The following RAPGEF4 variants were observed in gnomAD, a reference collection of about 807,000 sequenced individuals.
RAPGEF4 encodes the protein RAP guanine-nucleotide-exchange factor (GEF) 4.
A neutral mutation model predicts 147.9 loss-of-function variants in RAPGEF4; 66 were observed. That is an observed-to-expected ratio of 0.45 (90% CI 0.37 to 0.55). RAPGEF4 has a LOEUF of 0.55. RAPGEF4 is among the 20% of genes least tolerant of loss of function. The pLI is 0.00. For missense variants in RAPGEF4, 1,071 were observed against 1,257.3 expected, an observed-to-expected ratio of 0.85 and a Z score of 2.24; for synonymous variants, 419 against 442.7, an observed-to-expected ratio of 0.95 and a Z score of 0.67.
At chr2:172,963,918 C>A (rs1160995163) in intron 8 of RAPGEF4, among the ~76,000 whole-genome samples, 1 of 152,180 alleles carries the variant, frequency 6.6e-6, no homozygotes, top group Non-Finnish European at 1.5e-5. Context: ...GTGATTCCAT[C>A]AGCTGCAAGT....
chr2:172,790,912 G>A (rs1368492044), intron 1 of RAPGEF4, among the ~76,000 whole-genome samples: 1 of 152,124 alleles, frequency 6.6e-6, no homozygotes, highest in African/African-American at 2.4e-5. Flanking sequence ...CTGGAGACTG[G>A]GTAATTCAAA....
chr2:172,754,670 C>T (rs1695595580), intron 1 of RAPGEF4, among the ~76,000 whole-genome samples: 1 of 151,978 alleles, frequency 6.6e-6, no homozygotes, highest in Non-Finnish European at 1.5e-5. Flanking sequence ...CAAGTGTGTT[C>T]CTTGGAATAT....
chr2:172,934,218 C>T (rs1384648922), intron 6 of RAPGEF4, among the ~76,000 whole-genome samples: 4 of 130,330 alleles, frequency 3.1e-5, no homozygotes, highest in African/African-American at 5.6e-5. Context: ...GGCGCAATCT[C>T]GGCTCACTGC....
At chr2:172,839,519 G>A (rs960527534) in intron 4 of RAPGEF4, among the ~76,000 whole-genome samples, 1 of 151,986 alleles carries the variant, frequency 6.6e-6, no homozygotes, top group African/African-American at 2.4e-5. Context: ...GATGCCCAGA[G>A]GTCAGTCTCT....
At chr2:172,780,934 C>T (rs1684626092) in intron 1 of RAPGEF4, among the ~76,000 whole-genome samples, 1 of 152,102 alleles carries the variant, frequency 6.6e-6, no homozygotes, top group African/African-American at 2.4e-5. Flanking sequence ...TATCTTTACA[C>T]ATTAAAAACA....
intron 2 of RAPGEF4, among the ~76,000 whole-genome samples, chr2:172,795,375 T>G (rs972465753): frequency 2.0e-5 from 3 of 152,230 alleles, no homozygotes; most frequent in Non-Finnish European, 4.4e-5. Context: ...ACGTAAATGG[T>G]TCTTCCAAGG....
chr2:172,845,408 G>A (rs2049511602), intron 4 of RAPGEF4, among the ~76,000 whole-genome samples: 1 of 152,156 alleles, frequency 6.6e-6, no homozygotes, highest in Non-Finnish European at 1.5e-5. Flanking sequence ...TTTCAAGTGG[G>A]CAGGATTAAA....
chr2:172,772,218 A>T (rs1218293460), intron 1 of RAPGEF4, among the ~76,000 whole-genome samples: 2 of 152,218 alleles, frequency 1.3e-5, no homozygotes, highest in Non-Finnish European at 2.9e-5. Flanking sequence ...CAGCCTGGCA[A>T]CAAAGTAAGA....
chr2:173,004,604 T>A (rs1694259095), intron 17 of RAPGEF4, among the ~76,000 whole-genome samples: 2 of 152,100 alleles, frequency 1.3e-5, no homozygotes, highest in African/African-American at 2.4e-5. Context: ...TTTGTGACTA[T>A]CTTTTTATGT....
At chr2:173,027,370 G>A (rs1696764724) in intron 25 of RAPGEF4, 111 bp downstream of exon 25, 3 of 831,526 alleles carry the variant, frequency 3.6e-6, no homozygotes, top group Admixed American at 6.6e-5. Context: ...CTGCTAGAGG[G>A]CCAAACACAG....
intron 4 of RAPGEF4, among the ~76,000 whole-genome samples, chr2:172,891,735 G>T (rs1027073100): frequency 3.9e-4 from 59 of 152,294 alleles, no homozygotes; most frequent in African/African-American, 1.3e-3. Flanking sequence ...GACAGAATGG[G>T]ACTTGGTCTG....
chr2:172,827,783 A>G (rs912255307), intron 4 of RAPGEF4, among the ~76,000 whole-genome samples: 4 of 152,216 alleles, frequency 2.6e-5, no homozygotes, highest in Non-Finnish European at 4.4e-5. Flanking sequence ...CTCTAAGAAC[A>G]AACCCAGTAG....
At chr2:172,931,188 T>TGGGGGGGGGGGGGGG (rs1575283791) in intron 6 of RAPGEF4, among the ~76,000 whole-genome samples, 2 of 1,518 alleles carry the variant, frequency 1.3e-3, no homozygotes, top group Non-Finnish European at 3.1e-3. Flanking sequence ...GGGGGGGCGC[T>TGGGGGGGGGGGGGGG]GGGGGGCGGG....
chr2:172,911,680 AACTCCTG>A (rs1172534816), intron 4 of RAPGEF4, among the ~76,000 whole-genome samples: 1 of 151,408 alleles, frequency 6.6e-6, no homozygotes, highest in South Asian at 2.1e-4. Context: ...GCAGGTCTCA[AACTCCTG>A]ACCTCAAGTG....
intron 1 of RAPGEF4, among the ~76,000 whole-genome samples, chr2:172,764,392 G>A (rs1208617332): frequency 2.0e-5 from 3 of 152,154 alleles, no homozygotes; most frequent in African/African-American, 7.2e-5. Flanking sequence ...TGTTTGAATT[G>A]ACATGGAACT....
At chr2:173,050,914 G>C (rs1351335035) in intron 30 of RAPGEF4, among the ~76,000 whole-genome samples, 1 of 152,136 alleles carries the variant, frequency 6.6e-6, no homozygotes, top group Non-Finnish European at 1.5e-5. Flanking sequence ...TTCCCTGCGA[G>C]GGCTGAGTGC....
At chr2:172,977,586 C>A (rs558533718) in intron 10 of RAPGEF4, among the ~76,000 whole-genome samples, 4 of 151,994 alleles carry the variant, frequency 2.6e-5, no homozygotes, top group East Asian at 1.9e-4. Context: ...ACTGAGCCCC[C>A]ACTAGGGTGG....
intron 10 of RAPGEF4, among the ~76,000 whole-genome samples, chr2:172,969,109 G>A (rs7583076): frequency 1.3e-3 from 205 of 152,316 alleles, no homozygotes; most frequent in African/African-American, 4.6e-3. Context: ...CAGTACCTAG[G>A]AACCCAACAC....
chr2:173,018,190 C>T (rs1043014932), intron 21 of RAPGEF4, among the ~76,000 whole-genome samples: 3 of 152,146 alleles, frequency 2.0e-5, no homozygotes, highest in African/African-American at 7.2e-5. Flanking sequence ...CTTACATGGC[C>T]TGGCCCCAAA....
Sources: gnomAD v4.1 joint callset for allele counts (sites outside exome capture counted in the v4.1 genomes callset) on GRCh38, gnomAD v4.1.1 for gene constraint, MANE v1.5 for transcripts, NCBI Gene and HGNC (gene_info 2026-07-23, HGNC 2026-07-21) for gene names.